Variants in TP73 observed in about 807,000 individuals in gnomAD.
TP73 encodes p53-like transcription factor.
A neutral mutation model predicts 62.5 loss-of-function variants in TP73; 25 were observed. The ratio of observed to expected loss-of-function variants is 0.40; its 90% CI spans 0.29 to 0.56. The LOEUF (loss-of-function observed/expected upper bound fraction) is 0.56. TP73 is among the 20% of genes least tolerant of loss of function. The pLI is 0.46. For missense variants in TP73, 754 were observed against 913.3 expected (o/e 0.83, Z 2.25); for synonymous variants, 423 against 377.5 (o/e 1.12, Z -1.40).
intron 1 of TP73, among the ~76,000 whole-genome samples, chr1:3,665,293 TC>T (rs1378203463): frequency 1.3e-5 from 2 of 151,568 alleles, no homozygotes; most frequent in Non-Finnish European, 2.9e-5. Flanking sequence ...GTTGTGAAAG[TC>T]CCCCCCAAGC....
In TP73 at chr1:3,682,414, C is replaced by T. The variant is rs2102089783; in HGVS notation, c.49C>T (p.His17Tyr). 6.4e-7 allele frequency: 1 copy of T among 1,562,660 alleles called. No homozygotes were observed. The highest frequency in any genetic ancestry group is 1.2e-5 in the South Asian group (1 of 85,106). Residue 17 changes from histidine to tyrosine, a missense_variant, in exon 2 of 14, where the codon CAC becomes TAC. Physicochemically the swap from His to Tyr is moderately conservative, Grantham distance 83. Transcript: ENST00000378295. ...CCCTGATGGGGGCACCACGTTTGAG[C>T]ACCTCTGGAGCTCTCTGTGAGTGCG... ...TSPDGGTTFEHLWSSLEPDST... is the reference protein window; with the variant it reads ...TSPDGGTTFEYLWSSLEPDST...
intron 3 of TP73, among the ~76,000 whole-genome samples, chr1:3,684,305 C>T (rs772173716): frequency 6.6e-5 from 10 of 152,314 alleles, no homozygotes; most frequent in Middle Eastern, 6.8e-3. Context: ...TGGGGATACG[C>T]GGAACAGCGC....
rs758486394 is a variant in TP73 at position 3,707,589 on chromosome 1, G to C, written c.227G>C (p.Ser76Thr). The C allele has an allele frequency of 4.3e-6, 7 of 1,612,270 alleles. No individual in the cohort carries two copies. The highest frequency in any genetic ancestry group is 5.1e-6 in the Non-Finnish European group (6 of 1,179,688). ...CTGAGCAGCACCATGGACCAGATGAGCAGCCGCGCGGCCTCGGCCAGCCCC... is the reference window on the plus strand; with the variant it reads ...CTGAGCAGCACCATGGACCAGATGACCAGCCGCGCGGCCTCGGCCAGCCCC... ...NLLSSTMDQM[S>T]SRAASASPYT... The change falls in exon 4 of 14, where the codon AGC becomes ACC. Residue 76 changes from serine to threonine, a missense_variant. By Grantham distance (58) the Ser-to-Thr change is moderately conservative (BLOSUM62 1). This residue lies in a region of TP73 where 235 missense variants were observed against 251.4 expected (regional missense o/e 0.93). Transcript: ENST00000378295.
chr1:3,731,147 G>GC lies in TP73; in HGVS notation c.1484+86dup. The GC allele has an allele frequency of 2.0e-6, 3 of 1,536,688 alleles. No homozygotes were observed. In the South Asian group the frequency reaches 3.7e-5, roughly 19 times the overall value. ...TCCTTCTGGCCATGTCAGCTGCCCTGCCCCACCCTGTGTGCTCACCACTCG... is the reference window on the plus strand; with the variant it reads ...TCCTTCTGGCCATGTCAGCTGCCCTGCCCCCACCCTGTGTGCTCACCACTCG... On this transcript the variant is annotated intron_variant, in intron 12 of 13. Coordinates refer to ENST00000378295, the MANE Select transcript of TP73 (RefSeq NM_005427.4).
Position 3,703,439 on chromosome 1 carries a change from C to T in TP73, c.187-4110C>T, listed in dbSNP as rs575444356. Among the ~76,000 whole-genome samples the T allele has an allele frequency of 5.3e-5, 8 of 152,290 alleles. 1 individual carries two copies. Among genetic ancestry groups the T allele is most frequent in the African/African-American group, 1.7e-4 (7 of 41,568 alleles). On this transcript the variant is annotated intron_variant, in intron 3 of 13. Coordinates refer to ENST00000378295, the MANE Select transcript of TP73 (RefSeq NM_005427.4). The stretch of plus-strand genomic sequence containing the variant: ...GGGCCCTGGGCCACAGAGGACGGCA[C>T]CGAGAGGGCTTCAGGCCTGCTGTCC...
chr1:3,735,899 G>C lies in TP73; in HGVS notation c.*2820G>C, dbSNP rs1300673012. On this transcript the variant is annotated 3_prime_UTR_variant, in exon 14 of 14. Coordinates refer to ENST00000378295, the MANE Select transcript of TP73 (RefSeq NM_005427.4). ...GCTGGGAAGCCCTTGCTGTACCCAG[G>C]AGCCCGACCCGCAGTATCCTGGCAC... is the stretch of plus-strand genomic sequence containing the variant. 2.6e-5 allele frequency: 4 copies of C among 152,282 alleles called. No homozygotes were observed. Among genetic ancestry groups the C allele is most frequent in the African/African-American group, 9.6e-5 (4 of 41,564 alleles). 9.4% of individuals were successfully genotyped at this position (152,282 alleles called of 1,614,324 possible).
chr1:3,692,632 T>C (rs1399385822), intron 3 of TP73, among the ~76,000 whole-genome samples: 1 of 152,164 alleles, frequency 6.6e-6, no homozygotes, highest in African/African-American at 2.4e-5. Context: ...ATCTCCCGGC[T>C]GCTGGACCGC....
At chr1:3,690,858 C>G (rs1184902486) in intron 3 of TP73, 1 of 1,556,760 alleles carries the variant, frequency 6.4e-7, no homozygotes, top group Admixed American at 1.9e-5. Context: ...ATGCCTCGTC[C>G]CACGGGACAC....
At chr1:3,724,789 C>A (rs1641368430) in intron 6 of TP73, among the ~76,000 whole-genome samples, 1 of 152,196 alleles carries the variant, frequency 6.6e-6, no homozygotes, top group Admixed American at 6.5e-5. Context: ...GAGGCCAAGG[C>A]GGGTGGATCA....
intron 4 of TP73, 76 bp from the exon 5 acceptor site, chr1:3,721,945 C>A: frequency 1.4e-6 from 2 of 1,471,992 alleles, no homozygotes; most frequent in South Asian, 2.7e-5. Context: ...GAGGACGTGG[C>A]TCCCAATGGG....
In TP73 at chr1:3,723,414, T is replaced by C. The variant is rs1167026269; in HGVS notation, c.677T>C (p.Val226Ala). 6 of 1,612,356 alleles carry C rather than the reference T, an allele frequency of 3.7e-6. No individual in the cohort carries two copies. Among genetic ancestry groups the C allele is most frequent in the Non-Finnish European group, 5.1e-6 (6 of 1,179,876 alleles). The change falls in exon 6 of 14, where the codon GTG becomes GCG. Residue 226 changes from valine to alanine, a missense_variant. Coordinates refer to ENST00000378295, the MANE Select transcript of TP73 (RefSeq NM_005427.4). ...RVEGNNLSQY[V>A]DDPVTGRQSV... ...GAAGGCAATAATCTCTCGCAGTATGTGGATGACCCTGTCACCGGCAGGCAG... is the reference window on the plus strand; with the variant it reads ...GAAGGCAATAATCTCTCGCAGTATGCGGATGACCCTGTCACCGGCAGGCAG...
intron 1 of TP73, among the ~76,000 whole-genome samples, chr1:3,671,402 A>G (rs1645237316): frequency 6.6e-6 from 1 of 152,188 alleles, no homozygotes; most frequent in Admixed American, 6.5e-5. Flanking sequence ...GAGCTCCACC[A>G]TGGCCAGTGC....
At chr1:3,708,680 T>G (rs1265003503) in intron 4 of TP73, 1 of 152,296 alleles carries the variant, frequency 6.6e-6, no homozygotes, top group Non-Finnish European at 1.5e-5. Context: ...AGGTGAAGGC[T>G]GCATGACCCC....
rs555364620 is a variant in TP73 at position 3,716,593 on chromosome 1, G to A, written c.430-5428G>A. On this transcript the variant is annotated intron_variant, in intron 4 of 13. Coordinates refer to ENST00000378295, the MANE Select transcript of TP73 (RefSeq NM_005427.4). ...CCAGGCCTCCCTGACATCTGTCAGA[G>A]CCCAGCCTGTGCTCCCAGCAGCTCT... Among the ~76,000 whole-genome samples, 34 of 152,330 alleles carry A rather than the reference G, an allele frequency of 2.2e-4. No homozygotes were observed. The South Asian group carries it at 6.4e-3, about 29-fold the overall frequency.
intron 4 of TP73, among the ~76,000 whole-genome samples, chr1:3,711,842 G>C (rs1026795494): frequency 7.6e-5 from 11 of 145,272 alleles, no homozygotes; most frequent in African/African-American, 2.9e-4. Flanking sequence ...GCGCGAGCGT[G>C]TGTATGTGTG....
At chr1:3,682,166 G>C (rs1027473919) in intron 1 of TP73, among the ~76,000 whole-genome samples, 167 bp from the exon 2 acceptor site, 3 of 152,222 alleles carry the variant, frequency 2.0e-5, no homozygotes, top group Non-Finnish European at 4.4e-5. Context: ...CGGGGAACAG[G>C]GTGGACGAAA....
chr1:3,706,118 C>T (rs1164311569), intron 3 of TP73, among the ~76,000 whole-genome samples: 1 of 152,168 alleles, frequency 6.6e-6, no homozygotes, highest in East Asian at 1.9e-4. Context: ...CGCCCCCCGC[C>T]CCCGGCCCGC....
At position 3,732,729 on chromosome 1, in the gene TP73, T is replaced by C; in HGVS notation, c.1579-18T>C. The stretch of plus-strand genomic sequence containing the variant: ...CTGCTCCACTGCCCCCTGCCCCTAA[T>C]GCGCCGGCCTCTCGCAGGACCTGGG... On this transcript the variant is annotated intron_variant, in intron 13 of 13. Coordinates refer to ENST00000378295, the MANE Select transcript of TP73 (RefSeq NM_005427.4). 2 of 1,549,590 alleles carry C rather than the reference T, an allele frequency of 1.3e-6. No homozygotes were observed. Among genetic ancestry groups the C allele is most frequent in the Non-Finnish European group, 1.7e-6 (2 of 1,145,310 alleles).
intron 3 of TP73, chr1:3,690,938 C>A: frequency 6.3e-7 from 1 of 1,579,410 alleles, no homozygotes; most frequent in East Asian, 2.3e-5. Context: ...CACGGCACCT[C>A]GCCACGGTAG....
Sources: allele counts gnomAD v4.1 joint callset (sites outside exome capture counted in the v4.1 genomes callset), GRCh38; gene constraint gnomAD v4.1.1; regional missense constraint gnomAD v4.1.1; transcripts MANE v1.5; gene names NCBI Gene and HGNC (gene_info 2026-07-23, HGNC 2026-07-21).